The following APBB1IP variants were observed in gnomAD, a reference collection of about 807,000 sequenced individuals.
APBB1IP encodes amyloid beta A4 precursor protein-binding family B member 1-interacting protein.
In APBB1IP, 27 loss-of-function variants were observed where a neutral mutation model predicts 64.9. The ratio of observed to expected loss-of-function variants is 0.42; its 90% CI spans 0.31 to 0.57. The LOEUF (loss-of-function observed/expected upper bound fraction) is 0.57, where lower values mean the gene tolerates loss of function less well. Among genes scored for constraint, APBB1IP ranks in the 20% least tolerant of loss-of-function variants. The pLI, the probability that APBB1IP is intolerant of heterozygous loss-of-function variation, is 0.20. For synonymous variants in APBB1IP, 392 were observed against 331.0 expected (o/e 1.18, Z -2.00); for missense variants, 812 against 845.5 (o/e 0.96, Z 0.49).
rs117354747 is a variant in APBB1IP, at chr10:26,558,850, C to T, written c.1156-1255C>T. Among the ~76,000 whole-genome samples the T allele has an allele frequency of 6.1e-3, 933 of 152,294 alleles. 18 individuals carry two copies. The highest frequency in any genetic ancestry group is 0.056 in the South Asian group (268 of 4,818). On this transcript the variant is annotated intron_variant, in intron 11 of 14. Coordinates refer to ENST00000376236, the MANE Select transcript of APBB1IP (RefSeq NM_019043.4). Reference sequence around the variant, plus strand: ...GGAGGAATGCAAGGAGTTTCTCTTTCACACCTGCCCATTTCCTTCTTCTCT... The same window carrying T: ...GGAGGAATGCAAGGAGTTTCTCTTTTACACCTGCCCATTTCCTTCTTCTCT...
chr10:26,534,962 T>C (rs990344548), intron 9 of APBB1IP, among the ~76,000 whole-genome samples: 5 of 152,144 alleles, frequency 3.3e-5, no homozygotes, highest in African/African-American at 1.2e-4. Flanking sequence ...CAGAAATATT[T>C]TCCAGCTCTA....
chr10:26,524,955 C>CTTTCTTTTTTTTTTT (rs747655095), intron 8 of APBB1IP, among the ~76,000 whole-genome samples: 9 of 73,970 alleles, frequency 1.2e-4, no homozygotes, highest in Admixed American at 4.3e-4. Flanking sequence ...TTCTTTCTTT[C>CTTTCTTTTTTTTTTT]TTTTTTTTTT....
chr10:26,473,658 A>G (rs1456920657), intron 2 of APBB1IP, among the ~76,000 whole-genome samples: 2 of 152,226 alleles, frequency 1.3e-5, no homozygotes, highest in Non-Finnish European at 2.9e-5. Context: ...GCCAAATTTC[A>G]TAGTCTACTG....
chr10:26,458,685 C>T (rs1011997380), intron 2 of APBB1IP, among the ~76,000 whole-genome samples: 2 of 152,038 alleles, frequency 1.3e-5, no homozygotes, highest in African/African-American at 4.8e-5. Flanking sequence ...CTATAATATG[C>T]TATCATCAAA....
At chr10:26,476,154 G>A (rs1026015097) in intron 2 of APBB1IP, among the ~76,000 whole-genome samples, 6 of 151,816 alleles carry the variant, frequency 4.0e-5, no homozygotes, top group Non-Finnish European at 7.4e-5. Context: ...CGCCTCCCGG[G>A]TTCAATCTAT....
At chr10:26,520,680 A>G (rs1836392042) in intron 8 of APBB1IP, among the ~76,000 whole-genome samples, 1 of 152,152 alleles carries the variant, frequency 6.6e-6, no homozygotes, top group Non-Finnish European at 1.5e-5. Context: ...GGTGACTGGA[A>G]ATGTGGCTTC....
At chr10:26,470,043 C>T (rs1032779028) in intron 2 of APBB1IP, among the ~76,000 whole-genome samples, 3 of 152,074 alleles carry the variant, frequency 2.0e-5, no homozygotes, top group African/African-American at 7.2e-5. Context: ...GGGCAAGTGG[C>T]GGGGACCCTG....
At chr10:26,487,206 T>G (rs1457411080) in intron 2 of APBB1IP, among the ~76,000 whole-genome samples, 4 of 149,248 alleles carry the variant, frequency 2.7e-5, no homozygotes, top group African/African-American at 9.9e-5. Context: ...TGTTTTTTTT[T>G]TTTTCCTCTC....
rs139532993 is a variant in APBB1IP, at chr10:26,507,421, C to T, written c.531+4147C>T. 6.3e-3 allele frequency among the ~76,000 whole-genome samples: 953 copies of T among 152,246 alleles called. 8 individuals carry two copies. The highest frequency in any genetic ancestry group is 0.015 in the South Asian group (74 of 4,826). On this transcript the variant is annotated intron_variant, in intron 6 of 14. Coordinates refer to ENST00000376236, the MANE Select transcript of APBB1IP (RefSeq NM_019043.4). ...CTGAGGCGGGAGGATCCCTTGACCC[C>T]GGGAATTCAAGGTTGCAGTGAGCTG...
chr10:26,456,575 A>G (rs1249368266), intron 2 of APBB1IP, among the ~76,000 whole-genome samples: 1 of 151,970 alleles, frequency 6.6e-6, no homozygotes, highest in Non-Finnish European at 1.5e-5. Context: ...TGGTGGCATT[A>G]TAGAAGCTGA....
chr10:26,523,974 A>C (rs1836438092), intron 8 of APBB1IP, among the ~76,000 whole-genome samples: 1 of 152,086 alleles, frequency 6.6e-6, no homozygotes, highest in South Asian at 2.1e-4. Context: ...CATCTTCAAC[A>C]GTCAATAGGC....
At chr10:26,531,820 C>T (rs1836558396) in intron 8 of APBB1IP, among the ~76,000 whole-genome samples, 1 of 152,140 alleles carries the variant, frequency 6.6e-6, no homozygotes, top group African/African-American at 2.4e-5. Context: ...GGTGCACATG[C>T]CTATAGTCCC....
At chr10:26,455,514 C>CAA (rs11424674) in intron 2 of APBB1IP, among the ~76,000 whole-genome samples, 49 of 141,470 alleles carry the variant, frequency 3.5e-4, no homozygotes, top group South Asian at 1.3e-3. Flanking sequence ...GGTGACAGAA[C>CAA]AAAAAAAAAA....
intron 8 of APBB1IP, among the ~76,000 whole-genome samples, chr10:26,522,621 T>C (rs966255231): frequency 5.1e-4 from 77 of 152,330 alleles, no homozygotes; most frequent in African/African-American, 1.7e-3. Context: ...GCTTTTCTTT[T>C]CTGTCACCAT....
At chr10:26,474,122 A>G (rs1588575688) in intron 2 of APBB1IP, among the ~76,000 whole-genome samples, 1 of 151,888 alleles carries the variant, frequency 6.6e-6, no homozygotes, top group South Asian at 2.1e-4. Flanking sequence ...TTATTTTGCA[A>G]TTAGAAACAA....
chr10:26,442,442 T>G (rs1215193455), intron 2 of APBB1IP, among the ~76,000 whole-genome samples: 1 of 152,240 alleles, frequency 6.6e-6, no homozygotes, highest in Non-Finnish European at 1.5e-5. Context: ...GGGGATCTTT[T>G]TGATTTAGTT....
intron 2 of APBB1IP, among the ~76,000 whole-genome samples, chr10:26,441,998 G>A (rs1835343001): frequency 6.6e-6 from 1 of 152,216 alleles, no homozygotes; most frequent in Admixed American, 6.5e-5. Flanking sequence ...GTAAGAAACA[G>A]AGCTGTTGTT....
intron 2 of APBB1IP, among the ~76,000 whole-genome samples, chr10:26,483,092 T>TAAAAAAA (rs35069320): frequency 6.0e-5 from 4 of 67,178 alleles, no homozygotes; most frequent in Admixed American, 2.1e-4. Flanking sequence ...CTCCATCTGA[T>TAAAAAAA]AAAAAAAAAA....
rs542266823 is a variant in APBB1IP, at chr10:26,455,552, G to A, written c.-1+16699G>A. ...GAATAATAATAATAAGAAGAAAAAC[G>A]TCTTTGGGGATGCTCACGTTAACTT... On this transcript the variant is annotated intron_variant, in intron 2 of 14. Transcript: ENST00000376236. Among the ~76,000 whole-genome samples, 11 of 151,780 alleles carry A rather than the reference G, an allele frequency of 7.2e-5. 1 individual carries two copies. The highest frequency in any genetic ancestry group is 5.8e-4 in the East Asian group (3 of 5,170).
Sources: gnomAD v4.1 joint callset for allele counts (sites outside exome capture counted in the v4.1 genomes callset) on GRCh38, gnomAD v4.1.1 for gene constraint, MANE v1.5 for transcripts, NCBI Gene and HGNC (gene_info 2026-07-23, HGNC 2026-07-21) for gene names.